The following NKX2-1 variants were observed in gnomAD, a reference collection of about 807,000 sequenced individuals.
The protein encoded by NKX2-1 is NK2 homeobox 1, also known as homeobox protein Nkx-2.1.
A neutral mutation model predicts 35.1 loss-of-function variants in NKX2-1; 9 were observed. The ratio of observed to expected loss-of-function variants is 0.26; its 90% CI spans 0.15 to 0.45. The LOEUF (loss-of-function observed/expected upper bound fraction) is 0.45, where lower values mean the gene tolerates loss of function less well. Ranked by LOEUF, NKX2-1 falls within the 20% of genes least tolerant of loss-of-function variation. The probability of loss-of-function intolerance (pLI) is 1.00; values close to 1 mark genes in which losing one functional copy is unlikely to be tolerated. For missense variants in NKX2-1, 509 were observed against 589.1 expected, an observed-to-expected ratio of 0.86 and a Z score of 1.41; for synonymous variants, 284 against 269.9, an observed-to-expected ratio of 1.05 and a Z score of -0.51.
intron 1 of NKX2-1, 147 bp downstream of exon 1, chr14:36,519,906 G>A (rs1881269454): frequency 7.8e-7 from 1 of 1,283,042 alleles, no homozygotes. Flanking sequence ...GAGGAGGAGA[G>A]ATGGTTGAGA....
chr14:36,517,066 T>TA lies in NKX2-1; in HGVS notation c.*211_*212insT, dbSNP rs2139404530. ...CTTGGTTGTTTTTCATTTTCTTTTT[T>TA]TAAAAAAAAAAACCCACAAATTTTA... is the stretch of plus-strand genomic sequence containing the variant. On this transcript the variant is annotated 3_prime_UTR_variant, in exon 3 of 3. Transcript: ENST00000354822. 8 of 949,052 alleles carry TA rather than the reference T, an allele frequency of 8.4e-6. No homozygotes were observed. The highest frequency in any genetic ancestry group is 5.0e-5 in the African/African-American group (3 of 60,356). The allele number at this position is 949,052 out of a possible 1,614,324, so 58.8% of individuals were successfully genotyped here. A position where few individuals can be genotyped will look rare whatever the true frequency, so the allele number is the denominator to read the frequency against.
chr14:36,517,518 GTGCTGCGCCTGC>G lies in NKX2-1; in HGVS notation c.954_965del (p.Gln318_Gln321del), dbSNP rs1881086369. On this transcript the variant is annotated inframe_deletion, in exon 3 of 3. Coordinates refer to ENST00000354822, the MANE Select transcript of NKX2-1 (RefSeq NM_001079668.3). Reference sequence around the variant, plus strand: ...CCGCCGCCTGCGCGGCCTGCGCCTGGTGCTGCGCCTGCTGCTGCGCGTGGCCTTGTAGGCTGG... The same window carrying G: ...CCGCCGCCTGCGCGGCCTGCGCCTGGTGCTGCGCGTGGCCTTGTAGGCTGG... The G allele has an allele frequency of 4.3e-6, 6 of 1,402,842 alleles. No homozygotes were observed. Among genetic ancestry groups the G allele is most frequent in the Admixed American group, 3.5e-5 (1 of 28,942 alleles). The allele number at this position is 1,402,842 out of a possible 1,614,324, so 86.9% of individuals were successfully genotyped here. A position where few individuals can be genotyped will look rare whatever the true frequency, so the allele number is the denominator to read the frequency against.
chr14:36,519,673 T>C (rs1045933106), intron 1 of NKX2-1: 88 of 1,519,882 alleles, frequency 5.8e-5, no homozygotes, highest in Non-Finnish European at 7.3e-5. Context: ...TACATGCTGA[T>C]GACAAGGTAA....
chr14:36,518,957 G>A, intron 2 of NKX2-1, 28 bp downstream of exon 2: 2 of 1,535,272 alleles, frequency 1.3e-6, no homozygotes, highest in Non-Finnish European at 1.7e-6. Context: ...CTCAGCCCGC[G>A]GCCCCGCAGT....
chr14:36,517,924 G>T lies in NKX2-1; in HGVS notation c.560C>A (p.Pro187Gln). 1 of 1,606,810 alleles carries T rather than the reference G, an allele frequency of 6.2e-7. No homozygotes were observed. ...CCGGCGCTTCCTGCGCGGCGCGCTTGGCAGCGGGGCCATGTTCTTGCTCAC... is the reference window on the plus strand; with the variant it reads ...CCGGCGCTTCCTGCGCGGCGCGCTTTGCAGCGGGGCCATGTTCTTGCTCAC... Reference protein sequence around the residue: ...GDVSKNMAPLPSAPRRKRRVL... With the variant: ...GDVSKNMAPLQSAPRRKRRVL... Residue 187 changes from proline to glutamine, a missense_variant, in exon 3 of 3, where the codon CCA becomes CAA. Around this residue, in one of 5 missense-constraint regions of NKX2-1, gnomAD observed 271 missense variants for 284.1 expected, o/e 0.95. Transcript: ENST00000354822.
Position 36,519,151 on chromosome 14 carries a change from G to T in NKX2-1, c.297C>A (p.His99Gln), listed in dbSNP as rs1312450089. The T allele has an allele frequency of 6.2e-7, 1 of 1,607,332 alleles. No individual in the cohort carries two copies. The highest frequency in any genetic ancestry group is 8.5e-7 in the Non-Finnish European group (1 of 1,178,130). Reference sequence around the variant, plus strand: ...GCTGGGGCACCCCCGCCGCCGTCATGTGGTAGGCGGCGGTGACGGCGCCGT... The same window carrying T: ...GCTGGGGCACCCCCGCCGCCGTCATTTGGTAGGCGGCGGTGACGGCGCCGT... Reference protein sequence around the residue: ...GHHGAVTAAYHMTAAGVPQLS... With the variant: ...GHHGAVTAAYQMTAAGVPQLS... Residue 99 changes from histidine (H) to glutamine (Q), a missense_variant, in exon 2 of 3, where the codon CAC becomes CAA. Coordinates refer to ENST00000354822, the MANE Select transcript of NKX2-1 (RefSeq NM_001079668.3).
At position 36,519,597 on chromosome 14, in the gene NKX2-1, A is replaced by G. The variant is rs563032142; in HGVS notation, c.78-227T>C. On this transcript the variant is annotated intron_variant, in intron 1 of 2. Transcript: ENST00000354822. ...GCGCCAGGTTTTAGGCAGCCACCAGAGGCGGGGCGTAAGCGCTAAAGCAAC... is the reference window on the plus strand; with the variant it reads ...GCGCCAGGTTTTAGGCAGCCACCAGGGGCGGGGCGTAAGCGCTAAAGCAAC... 3 of 1,533,590 alleles carry G rather than the reference A, an allele frequency of 2.0e-6. No individual in the cohort carries two copies. In the African/African-American group the frequency reaches 4.1e-5, roughly 21 times the overall value. 95.0% of individuals were successfully genotyped at this position (1,533,590 alleles called of 1,614,324 possible).
intron 1 of NKX2-1, chr14:36,519,691 T>G: frequency 6.6e-7 from 1 of 1,511,708 alleles, no homozygotes; most frequent in Non-Finnish European, 8.8e-7. Flanking sequence ...TAAACACCTT[T>G]AAGTTTCACT....
In NKX2-1 at chr14:36,517,094, G is replaced by GTGGGGT. The variant is rs200871832; in HGVS notation, c.*183_*184insACCCCA. The GTGGGGT allele has an allele frequency of 1.4e-5, 16 of 1,107,722 alleles. No homozygotes were observed. The Admixed American group carries it at 5.1e-4, about 35-fold the overall frequency. 68.6% of individuals were successfully genotyped at this position (1,107,722 alleles called of 1,614,324 possible). A position where few individuals can be genotyped will look rare whatever the true frequency, so the allele number is the denominator to read the frequency against. ...AAAAAAAAAACCCACAAATTTTAGGGGGGGAAAAAAAGAAAGACGTCCAGC... is the reference window on the plus strand; with the variant it reads ...AAAAAAAAAACCCACAAATTTTAGGGTGGGGTGGGGAAAAAAAGAAAGACGTCCAGC... On this transcript the variant is annotated 3_prime_UTR_variant, in exon 3 of 3. Coordinates refer to ENST00000354822, the MANE Select transcript of NKX2-1 (RefSeq NM_001079668.3).
In NKX2-1 at chr14:36,519,169, G is replaced by C. The variant is rs1346114723; in HGVS notation, c.279C>G (p.Ala93=). 2.5e-6 allele frequency: 4 copies of C among 1,604,502 alleles called. No individual in the cohort carries two copies. The highest frequency in any genetic ancestry group is 1.7e-5 in the Admixed American group (1 of 59,120). ...MQQHAVGHHG[A]VTAAYHMTAA... is the part of the protein sequence containing the mutation. ...CCGTCATGTGGTAGGCGGCGGTGAC[G>C]GCGCCGTGGTGCCCCACGGCGTGCT... is the stretch of plus-strand genomic sequence containing the variant. Residue 93 remains alanine, a synonymous_variant, in exon 2 of 3, where the codon GCC becomes GCG. Transcript: ENST00000354822.
In NKX2-1 at chr14:36,517,474, C is replaced by A. The variant is rs1295253060; in HGVS notation, c.1010G>T (p.Gly337Val). Reference sequence around the variant, plus strand: ...TGCGCCAAGGCCGGCGCCACCGCTGCCCACGGAGATGGCCGCTGCCGCCGC... The same window carrying A: ...TGCGCCAAGGCCGGCGCCACCGCTGACCACGGAGATGGCCGCTGCCGCCGC... ...AQAAAAAISV[G>V]SGGAGLGAHP... is the part of the protein sequence containing the mutation. The change falls in exon 3 of 3, where the codon GGC becomes GTC. Residue 337 changes from glycine to valine, a missense_variant. This residue lies in a region of NKX2-1 where 212 missense variants were observed against 227.7 expected (regional missense o/e 0.93). Coordinates refer to ENST00000354822, the MANE Select transcript of NKX2-1 (RefSeq NM_001079668.3). 1.0e-5 allele frequency: 14 copies of A among 1,390,214 alleles called. No individual in the cohort carries two copies. In the East Asian group the frequency reaches 4.3e-4, roughly 42 times the overall value. 86.1% of individuals were successfully genotyped at this position (1,390,214 alleles called of 1,614,324 possible).
At chr14:36,519,780 A>AC in intron 1 of NKX2-1, 1 of 1,426,012 alleles carries the variant, frequency 7.0e-7, no homozygotes, top group Non-Finnish European at 9.2e-7. Flanking sequence ...TCCCTTGGAC[A>AC]CCCCCACCCC....
intron 1 of NKX2-1, 50 bp downstream of exon 1, chr14:36,520,003 C>A (rs755475569): frequency 1.9e-6 from 3 of 1,607,726 alleles, no homozygotes; most frequent in South Asian, 2.2e-5. Context: ...TCCCCGGGCA[C>A]GGACAGGTCT....
At chr14:36,518,064 C>A (rs1393893788) in intron 2 of NKX2-1, 44 bp from the exon 3 acceptor site, 1 of 1,589,532 alleles carries the variant, frequency 6.3e-7, no homozygotes, top group Non-Finnish European at 8.5e-7. Context: ...CCAGGCCGAG[C>A]CAGGCCACCC....
chr14:36,518,117 C>G (rs1301022322), intron 2 of NKX2-1, 97 bp from the exon 3 acceptor site: 2 of 1,508,064 alleles, frequency 1.3e-6, no homozygotes, highest in Non-Finnish European at 1.8e-6. Context: ...CCCCAACCGA[C>G]GGCGCCCTCC....
chr14:36,518,144 G>T (rs1480886620), intron 2 of NKX2-1, 124 bp from the exon 3 acceptor site: 1 of 1,366,914 alleles, frequency 7.3e-7, no homozygotes, highest in Non-Finnish European at 9.9e-7. Flanking sequence ...AGGCAGCCTA[G>T]CGCTGGGGCC....
At position 36,520,228 on chromosome 14, in the gene NKX2-1, T is replaced by C. The variant is rs1378842335; in HGVS notation, c.-99A>G. On this transcript the variant is annotated 5_prime_UTR_variant, in exon 1 of 3. Transcript: ENST00000354822. The stretch of plus-strand genomic sequence containing the variant: ...CTGTTGGTCTACGTGTCTGTCAGTC[T>C]GTCTGCCTCTCTTCTGCCGCCGTCA... 5.2e-6 allele frequency: 8 copies of C among 1,551,834 alleles called. No individual in the cohort carries two copies. Among genetic ancestry groups the C allele is most frequent in the Non-Finnish European group, 6.9e-6 (8 of 1,153,234 alleles).
chr14:36,518,110 C>T, intron 2 of NKX2-1, 90 bp from the exon 3 acceptor site: 1 of 1,524,278 alleles, frequency 6.6e-7, no homozygotes, highest in East Asian at 2.4e-5. Context: ...CGGCCCGCCC[C>T]AACCGACGGC....
At position 36,519,808 on chromosome 14, in the gene NKX2-1, C is replaced by T. The variant is rs940845040; in HGVS notation, c.77+245G>A. On this transcript the variant is annotated intron_variant, in intron 1 of 2. Coordinates refer to ENST00000354822, the MANE Select transcript of NKX2-1 (RefSeq NM_001079668.3). ...CCCACCCCCATTTTTTGTGGGGTAC[C>T]AGCGGAGCGCGGGGAGGAGGTGGAG... 5 of 1,409,786 alleles carry T rather than the reference C, an allele frequency of 3.5e-6. No homozygotes were observed. In the African/African-American group the frequency reaches 5.8e-5, roughly 16 times the overall value. The allele number at this position is 1,409,786 out of a possible 1,614,324, so 87.3% of individuals were successfully genotyped here. A position where few individuals can be genotyped will look rare whatever the true frequency, so the allele number is the denominator to read the frequency against.
Sources: allele counts gnomAD v4.1 joint callset, GRCh38; gene constraint gnomAD v4.1.1; regional missense constraint gnomAD v4.1.1; transcripts MANE v1.5; gene names NCBI Gene and HGNC (gene_info 2026-07-23, HGNC 2026-07-21).